The following GLOD4 variants were observed in gnomAD, a reference collection of about 807,000 sequenced individuals.
GLOD4 encodes glyoxalase domain-containing protein 4.
Under a neutral mutation model 39.1 loss-of-function variants are expected in GLOD4, and 44 were observed. The ratio of observed to expected loss-of-function variants is 1.13; its 90% CI spans 0.88 to 1.45. The LOEUF (loss-of-function observed/expected upper bound fraction) is 1.45. GLOD4 is among the 40% of genes most tolerant of loss of function. The pLI is 0.00. For missense variants in GLOD4, 405 were observed against 366.4 expected, an observed-to-expected ratio of 1.11 and a Z score of -0.86; for synonymous variants, 145 against 135.0, an observed-to-expected ratio of 1.07 and a Z score of -0.52.
intron 8 of GLOD4, among the ~76,000 whole-genome samples, chr17:767,698 T>G (rs1168375991): frequency 4.1e-5 from 6 of 146,340 alleles, no homozygotes; most frequent in Non-Finnish European, 8.9e-5. Context: ...CATTCAGATT[T>G]TTAGAAGAAG....
In GLOD4 at chr17:759,825, G is replaced by A. The variant is rs778221711; in HGVS notation, c.*348C>T. 2 of 222,058 alleles carry A rather than the reference G, an allele frequency of 9.0e-6. No homozygotes were observed. The highest frequency in any genetic ancestry group is 2.3e-5 in the African/African-American group (1 of 43,930). The allele number at this position is 222,058 out of a possible 1,614,324, so 13.8% of individuals were successfully genotyped here. A position where few individuals can be genotyped will look rare whatever the true frequency, so the allele number is the denominator to read the frequency against. On this transcript the variant is annotated 3_prime_UTR_variant, in exon 9 of 9. Transcript: ENST00000301329. ...ACAGCTGCTCTCATAAAAGCTACAC[G>A]ATTCAGAGGTAACCCTAACTATCCG... is the stretch of plus-strand genomic sequence containing the variant.
chr17:765,186 TG>T (rs1339279379), intron 8 of GLOD4: 1 of 150,928 alleles, frequency 6.6e-6, no homozygotes, highest in African/African-American at 2.4e-5. Flanking sequence ...TCACTGGAGA[TG>T]GGCATGAGGG....
chr17:768,721 GT>G, intron 8 of GLOD4, among the ~76,000 whole-genome samples: 4 of 46,432 alleles, frequency 8.6e-5, no homozygotes, highest in Non-Finnish European at 1.6e-4. Context: ...TGGAGAGGAC[GT>G]GAGAGAGAGA....
chr17:782,090 CCCCT>C, intron 1 of GLOD4, 72 bp downstream of exon 1: 1 of 1,072,794 alleles, frequency 9.3e-7, no homozygotes, highest in Non-Finnish European at 1.4e-6. Flanking sequence ...CACCCATTTT[CCCCT>C]CCCTCCGCCA....
intron 8 of GLOD4, among the ~76,000 whole-genome samples, chr17:760,968 C>A (rs1183922799): frequency 2.0e-5 from 3 of 152,090 alleles, no homozygotes; most frequent in Non-Finnish European, 4.4e-5. Flanking sequence ...TAATACAAAG[C>A]CTTAACAATA....
intron 8 of GLOD4, among the ~76,000 whole-genome samples, chr17:767,555 AAGAG>A (rs765449055): frequency 3.2e-5 from 4 of 126,800 alleles, no homozygotes; most frequent in East Asian, 2.5e-4. Context: ...GAGAGGACGT[AAGAG>A]AGAGAAACAG....
chr17:769,841 G>T (rs376309803), intron 8 of GLOD4, 28 bp downstream of exon 8: 13 of 1,273,342 alleles, frequency 1.0e-5, no homozygotes, highest in Admixed American at 8.4e-5. Context: ...CAGGCCCATG[G>T]TGACATAAAT....
intron 2 of GLOD4, chr17:777,280 T>C: frequency 2.4e-6 from 1 of 410,934 alleles, no homozygotes; most frequent in Non-Finnish European, 4.5e-6. Flanking sequence ...TGTTATTTCC[T>C]TGACTATCAA....
rs1462596000 is a variant in GLOD4, at chr17:770,055, G to A, written c.733C>T (p.Leu245=). ...TGAGAAATACTTACAGGGTCGGCCA[G>A]AATGACCACCTGTACTGTTGCTTTC... is the stretch of plus-strand genomic sequence containing the variant. ...PGKATVQVVI[L]ADPDGHEICF... Residue 245 remains leucine (L), a synonymous_variant, in exon 7 of 9, where the codon CTG becomes TTG. Coordinates refer to ENST00000301329, the MANE Select transcript of GLOD4 (RefSeq NM_016080.4). 1 of 1,606,502 alleles carries A rather than the reference G, an allele frequency of 6.2e-7. No homozygotes were observed.
chr17:774,794 C>T (rs1829674177), intron 4 of GLOD4, among the ~76,000 whole-genome samples: 1 of 152,188 alleles, frequency 6.6e-6, no homozygotes, highest in Admixed American at 6.5e-5. Flanking sequence ...AAGGGCCGGG[C>T]ACGGTGGTTC....
chr17:759,973 C>G lies in GLOD4; in HGVS notation c.*200G>C. 3.5e-6 allele frequency: 2 copies of G among 570,138 alleles called. No homozygotes were observed. The highest frequency in any genetic ancestry group is 4.5e-5 in the South Asian group (2 of 44,674). 35.3% of individuals were successfully genotyped at this position (570,138 alleles called of 1,614,324 possible). On this transcript the variant is annotated 3_prime_UTR_variant, in exon 9 of 9. Transcript: ENST00000301329. Reference sequence around the variant, plus strand: ...AACAGTGTAGATTACAGCAGGCGTTCTCTACCTGGACTCATGATTGGATTT... The same window carrying G: ...AACAGTGTAGATTACAGCAGGCGTTGTCTACCTGGACTCATGATTGGATTT...
Position 782,164 on chromosome 17 carries a change from A to G in GLOD4, c.90+2T>C. 1 of 1,596,702 alleles carries G rather than the reference A, an allele frequency of 6.3e-7. No homozygotes were observed. Among genetic ancestry groups the G allele is most frequent in the Non-Finnish European group, 8.6e-7 (1 of 1,168,154 alleles). ...CCAGCCCCTGTCGGCCCCGGCCTGC[A>G]CCTTCATCCCCAGGACGTCCCGATA... On this transcript the variant is annotated splice_donor_variant, in intron 1 of 8. Transcript: ENST00000301329. LOFTEE classifies it high-confidence loss of function.
intron 1 of GLOD4, among the ~76,000 whole-genome samples, chr17:779,319 TAAAAAAAAAAAAAAAAAAA>T (rs34487169): frequency 4.6e-5 from 2 of 43,358 alleles, no homozygotes; most frequent in African/African-American, 2.0e-4. Flanking sequence ...CATCTCAAAT[TAAAAAAAAAAAAAAAAAAA>T]AAAAAAAAAA....
intron 8 of GLOD4, among the ~76,000 whole-genome samples, chr17:762,906 G>A (rs1905761366): frequency 6.6e-6 from 1 of 152,234 alleles, no homozygotes; most frequent in South Asian, 2.1e-4. Flanking sequence ...GCTGGGCGCG[G>A]TGGCTCACGC....
At position 759,477 on chromosome 17, in the gene GLOD4, T is replaced by C. The variant is rs1057348874; in HGVS notation, c.*696A>G. The C allele has an allele frequency of 2.0e-5, 3 of 152,192 alleles. No homozygotes were observed. The allele number at this position is 152,192 out of a possible 1,614,324, so 9.4% of individuals were successfully genotyped here. A position where few individuals can be genotyped will look rare whatever the true frequency, so the allele number is the denominator to read the frequency against. The stretch of plus-strand genomic sequence containing the variant: ...CAGGCTGAAGAAATCGTTTAATCCA[T>C]TTTAAAGAAATCTCACATGATGTTC... On this transcript the variant is annotated 3_prime_UTR_variant, in exon 9 of 9. Coordinates refer to ENST00000301329, the MANE Select transcript of GLOD4 (RefSeq NM_016080.4).
intron 6 of GLOD4, 94 bp from the exon 7 acceptor site, chr17:770,251 A>G: frequency 1.3e-6 from 1 of 772,566 alleles, no homozygotes; most frequent in Non-Finnish European, 2.3e-6. Context: ...TACCATAAAG[A>G]ACCAAGGCGC....
At chr17:783,277 T>C (rs746932398), upstream of GLOD4, 9 of 1,613,914 alleles carry the variant, frequency 5.6e-6, no homozygotes, top group African/African-American at 4.0e-5. Flanking sequence ...AAGGTGAAAT[T>C]TGAGGATATC....
intron 8 of GLOD4, among the ~76,000 whole-genome samples, chr17:761,780 A>G (rs1905483540): frequency 6.6e-6 from 1 of 152,262 alleles, no homozygotes; most frequent in Non-Finnish European, 1.5e-5. Flanking sequence ...CTGGGATTAC[A>G]GGGGTGAGCC....
chr17:783,011 T>C (rs570208727), upstream of GLOD4: 1 of 1,534,234 alleles, frequency 6.5e-7, no homozygotes, highest in East Asian at 2.3e-5. Context: ...TTTATTTCTG[T>C]TACAACTAAG....
Sources: allele counts gnomAD v4.1 joint callset (sites outside exome capture counted in the v4.1 genomes callset), GRCh38; gene constraint gnomAD v4.1.1; transcripts MANE v1.5; gene names NCBI Gene and HGNC (gene_info 2026-07-23, HGNC 2026-07-21).